SLC7A14: variants seen among roughly 807,000 people sequenced by gnomAD.
SLC7A14 encodes the protein solute carrier family 7 member 14.
In SLC7A14, 37 loss-of-function variants were observed where a neutral mutation model predicts 60.2. That is an observed-to-expected ratio of 0.61 (90% CI 0.47 to 0.81). The LOEUF (loss-of-function observed/expected upper bound fraction) is 0.81. Ranked by LOEUF, SLC7A14 falls within the 30% of genes least tolerant of loss-of-function variation. The pLI is 0.00. For missense variants in SLC7A14, 886 were observed against 982.7 expected (o/e 0.90, Z 1.32); for synonymous variants, 399 against 395.8 (o/e 1.01, Z -0.10).
intron 4 of SLC7A14, chr3:170,495,725 C>T: frequency 1.8e-6 from 2 of 1,140,588 alleles, no homozygotes; most frequent in Non-Finnish European, 2.7e-6. Flanking sequence ...AGGAGCAGAT[C>T]AAGACCCTCA....
At chr3:170,563,530 G>C (rs1714717812) in intron 1 of SLC7A14, among the ~76,000 whole-genome samples, 2 of 149,542 alleles carry the variant, frequency 1.3e-5, no homozygotes, top group African/African-American at 4.9e-5. Context: ...CAATTCTCCA[G>C]CCGCAGCCTC....
At chr3:170,472,713 G>C (rs1739951838) in intron 7 of SLC7A14, among the ~76,000 whole-genome samples, 1 of 151,418 alleles carries the variant, frequency 6.6e-6, no homozygotes, top group Non-Finnish European at 1.5e-5. Flanking sequence ...CTTGCATTGA[G>C]CTGAGATTGT....
chr3:170,495,968 T>A, intron 4 of SLC7A14: 6 of 1,249,074 alleles, frequency 4.8e-6, no homozygotes, highest in Non-Finnish European at 2.3e-6. Context: ...AGAACAAGTA[T>A]GAGGATGAGA....
chr3:170,540,283 T>C (rs1175787744), intron 1 of SLC7A14, among the ~76,000 whole-genome samples: 3 of 152,188 alleles, frequency 2.0e-5, no homozygotes, highest in Admixed American at 6.5e-5. Context: ...AAGGGAGGAC[T>C]ACCATAATAT....
At chr3:170,491,753 C>T (rs990610819) in intron 4 of SLC7A14, among the ~76,000 whole-genome samples, 2 of 152,124 alleles carry the variant, frequency 1.3e-5, no homozygotes, top group South Asian at 2.1e-4. Flanking sequence ...TCTGGCCTTG[C>T]TTTCTTCTCG....
intron 1 of SLC7A14, among the ~76,000 whole-genome samples, chr3:170,565,958 G>A (rs1025702778): frequency 6.6e-6 from 1 of 152,172 alleles, no homozygotes; most frequent in Non-Finnish European, 1.5e-5. Flanking sequence ...ACTGGAATTG[G>A]ATTGAATTGA....
chr3:170,467,250 A>G lies in SLC7A14; in HGVS notation c.2121T>C (p.Gly707=). The G allele has an allele frequency of 6.2e-7, 1 of 1,613,908 alleles. No individual in the cohort carries two copies. Among genetic ancestry groups the G allele is most frequent in the Non-Finnish European group, 8.5e-7 (1 of 1,179,996 alleles). The change falls in exon 8 of 8, where the codon GGT becomes GGC. Residue 707 remains glycine, a synonymous_variant. Transcript: ENST00000231706. ...DVDDPFSVEE[G]FSYATEGESQ... Reference sequence around the variant, plus strand: ...TCTCGCCCTCTGTGGCGTAGGAGAAACCCTCCTCCACTGAGAAGGGGTCAT... The same window carrying G: ...TCTCGCCCTCTGTGGCGTAGGAGAAGCCCTCCTCCACTGAGAAGGGGTCAT...
At position 170,585,749 on chromosome 3, in the gene SLC7A14, G is replaced by A. The variant is rs995121927; in HGVS notation, c.-153+162C>T. On this transcript the variant is annotated intron_variant, in intron 1 of 7. Transcript: ENST00000231706. The surrounding 1 kb of genome is among the most constrained non-coding windows in gnomAD (Gnocchi z 5.1). ...TCTTCCAGGGAACCCCTTCTCGGAG[G>A]GCGCCCTGGGCCTCCGCGCCATATT... is the stretch of plus-strand genomic sequence containing the variant. Among the ~76,000 whole-genome samples, 2 of 152,210 alleles carry A rather than the reference G, an allele frequency of 1.3e-5. No individual in the cohort carries two copies. The highest frequency in any genetic ancestry group is 3.9e-4 in the East Asian group (2 of 5,132).
chr3:170,490,892 A>G (rs1712194329), intron 4 of SLC7A14, among the ~76,000 whole-genome samples: 2 of 152,218 alleles, frequency 1.3e-5, no homozygotes, highest in Admixed American at 6.5e-5. Flanking sequence ...ATAATACAGT[A>G]GGTGCTCAGT....
intron 7 of SLC7A14, among the ~76,000 whole-genome samples, chr3:170,469,282 TAA>T: frequency 6.6e-6 from 1 of 152,188 alleles, no homozygotes; most frequent in Non-Finnish European, 1.5e-5. Flanking sequence ...TGTGCCTTTT[TAA>T]GCTTGGATTT....
In SLC7A14 at chr3:170,461,982, C is replaced by T. The variant is rs754174347; in HGVS notation, c.*5073G>A. The T allele has an allele frequency of 3.9e-5, 6 of 152,528 alleles. No individual in the cohort carries two copies. The highest frequency in any genetic ancestry group is 7.3e-5 in the Non-Finnish European group (5 of 68,126). 9.4% of individuals were successfully genotyped at this position (152,528 alleles called of 1,614,324 possible). Reference sequence around the variant, plus strand: ...ATTGGAAGTTAGGGACACCTCTGCACTACTCACTGACCTGAGGTTTATACT... The same window carrying T: ...ATTGGAAGTTAGGGACACCTCTGCATTACTCACTGACCTGAGGTTTATACT... On this transcript the variant is annotated 3_prime_UTR_variant, in exon 8 of 8. Coordinates refer to ENST00000231706, the MANE Select transcript of SLC7A14 (RefSeq NM_020949.3).
intron 1 of SLC7A14, among the ~76,000 whole-genome samples, chr3:170,527,964 G>A (rs923790749): frequency 1.8e-4 from 27 of 152,138 alleles, no homozygotes; most frequent in African/African-American, 6.5e-4. Flanking sequence ...AATGTATTTA[G>A]TTTGGAACTT....
At chr3:170,496,489 G>T (rs1271784251) in intron 4 of SLC7A14, 3 of 1,399,390 alleles carry the variant, frequency 2.1e-6, no homozygotes, top group Non-Finnish European at 2.0e-6. Context: ...AGCGCCAAGC[G>T]GTCGGAGCTG....
intron 1 of SLC7A14, among the ~76,000 whole-genome samples, chr3:170,572,050 G>A: frequency 8.4e-6 from 1 of 119,514 alleles, no homozygotes; most frequent in Non-Finnish European, 1.6e-5. Flanking sequence ...AATAGAGGGA[G>A]ACTCTGTCTC....
In SLC7A14 at chr3:170,532,611, G is replaced by A. The variant is rs9880460; in HGVS notation, c.-152-5523C>T. ...TAGAGCTTTTAGTACCGCGCCTGGC[G>A]TATAGTGCATGCTGTGGGAGCGTTA... On this transcript the variant is annotated intron_variant, in intron 1 of 7. Transcript: ENST00000231706. The surrounding 1 kb of genome is among the most constrained non-coding windows in gnomAD (Gnocchi z 4.0). 0.47 allele frequency among the ~76,000 whole-genome samples: 72,004 copies of A among 151,934 alleles called. 17,232 individuals are homozygous for A. Among genetic ancestry groups the A allele is most frequent in the East Asian group, 0.63 (3,249 of 5,162 alleles).
At chr3:170,553,156 C>G (rs930652690) in intron 1 of SLC7A14, among the ~76,000 whole-genome samples, 14 of 152,196 alleles carry the variant, frequency 9.2e-5, no homozygotes, top group African/African-American at 3.4e-4. Context: ...CTTTCTGCCA[C>G]TGGCTGTAAG....
intron 1 of SLC7A14, among the ~76,000 whole-genome samples, chr3:170,569,804 G>A (rs1343930959): frequency 6.6e-6 from 1 of 152,108 alleles, no homozygotes; most frequent in African/African-American, 2.4e-5. Context: ...GTGTAGAGGT[G>A]TTTGTAGTAT....
chr3:170,526,558 C>A, intron 2 of SLC7A14, 75 bp downstream of exon 2: 17 of 1,534,722 alleles, frequency 1.1e-5, no homozygotes, highest in Non-Finnish European at 1.5e-5. Flanking sequence ...CTAAATACTC[C>A]GGAGAAAGGG....
At chr3:170,561,307 C>T (rs779521292) in intron 1 of SLC7A14, among the ~76,000 whole-genome samples, 1 of 152,166 alleles carries the variant, frequency 6.6e-6, no homozygotes, top group African/African-American at 2.4e-5. Context: ...CCACAGACTC[C>T]TCAGTCTGGG....
Sources: allele counts gnomAD v4.1 joint callset (sites outside exome capture counted in the v4.1 genomes callset), GRCh38; gene constraint gnomAD v4.1.1; non-coding constraint Gnocchi (gnomAD v3.1); transcripts MANE v1.5; gene names NCBI Gene and HGNC (gene_info 2026-07-23, HGNC 2026-07-21).